ATF2: variants seen among roughly 807,000 people sequenced by gnomAD.
ATF2 encodes cyclic AMP-dependent transcription factor ATF-2.
Under a neutral mutation model 60.6 loss-of-function variants are expected in ATF2, and 24 were observed. The observed-to-expected ratio is 0.40, with a 90% CI of 0.29 to 0.56. The LOEUF is 0.56. ATF2 is among the 20% of genes least tolerant of loss of function. The probability of loss-of-function intolerance (pLI) is 0.54; values close to 1 mark genes in which losing one functional copy is unlikely to be tolerated. For missense variants in ATF2, 433 were observed against 607.7 expected (o/e 0.71, Z 3.02); for synonymous variants, 206 against 215.4 (o/e 0.96, Z 0.38).
At chr2:175,143,305 TATAA>T (rs1258518487) in intron 2 of ATF2, among the ~76,000 whole-genome samples, 3 of 152,130 alleles carry the variant, frequency 2.0e-5, no homozygotes, top group African/African-American at 7.2e-5. Context: ...AAGAAAAATA[TATAA>T]ATAGTATTAC....
At chr2:175,121,419 G>A (rs779597021) in intron 5 of ATF2, 25 bp downstream of exon 5, 76 of 1,495,436 alleles carry the variant, frequency 5.1e-5, no homozygotes, top group Non-Finnish European at 6.7e-5. Context: ...ATGTATACAA[G>A]CTATTAATAA....
chr2:175,150,166 A>C (rs541519570), intron 2 of ATF2, among the ~76,000 whole-genome samples: 19 of 152,272 alleles, frequency 1.2e-4, no homozygotes, highest in African/African-American at 4.6e-4. Context: ...CTTGCTTTAA[A>C]ATTTTTTGCT....
intron 10 of ATF2, among the ~76,000 whole-genome samples, chr2:175,100,875 C>A (rs145838829): frequency 6.6e-6 from 1 of 152,110 alleles, no homozygotes; most frequent in Non-Finnish European, 1.5e-5. Flanking sequence ...AGGGTGGATG[C>A]GTCAGGTTAT....
intron 12 of ATF2, among the ~76,000 whole-genome samples, chr2:175,086,216 T>C (rs764029676): frequency 6.6e-6 from 1 of 152,214 alleles, no homozygotes. Context: ...GATGACAGGT[T>C]ACAAATTAAA....
intron 12 of ATF2, among the ~76,000 whole-genome samples, chr2:175,088,979 C>G (rs533472627): frequency 1.3e-5 from 2 of 152,002 alleles, no homozygotes; most frequent in Admixed American, 1.3e-4. Context: ...GTCGGGAGTT[C>G]GAGACCAGCC....
chr2:175,135,006 TAAAAAAAAAAAA>T (rs60122560), intron 3 of ATF2, among the ~76,000 whole-genome samples: 5 of 85,782 alleles, frequency 5.8e-5, no homozygotes, highest in Non-Finnish European at 1.2e-4. Context: ...CCCATCTCTT[TAAAAAAAAAAAA>T]AAAAAAAAAA....
Position 175,121,920 on chromosome 2 carries a change from G to A in ATF2, c.103-380C>T, listed in dbSNP as rs368420726. Among the ~76,000 whole-genome samples, 57 of 151,908 alleles carry A rather than the reference G, an allele frequency of 3.8e-4. 1 individual carries two copies. The highest frequency in any genetic ancestry group is 1.2e-3 in the African/African-American group (50 of 41,510). On this transcript the variant is annotated intron_variant, in intron 4 of 13. Coordinates refer to ENST00000264110, the MANE Select transcript of ATF2 (RefSeq NM_001880.4). ...TTCAATGACTTTTCAAGAAAGTACT[G>A]TAGTATTAATATTTACCTAGACTTA...
intron 10 of ATF2, among the ~76,000 whole-genome samples, chr2:175,109,412 ATAAC>A (rs2105668310): frequency 6.6e-6 from 1 of 152,348 alleles, no homozygotes; most frequent in Non-Finnish European, 1.5e-5. Context: ...ATGAAATTCT[ATAAC>A]TAATCTATGG....
intron 2 of ATF2, among the ~76,000 whole-genome samples, chr2:175,148,873 T>A (rs773153628): frequency 2.6e-5 from 4 of 152,166 alleles, no homozygotes; most frequent in African/African-American, 4.8e-5. Context: ...CCAGTTGTCC[T>A]ACCTTTCTGG....
intron 1 of ATF2, among the ~76,000 whole-genome samples, chr2:175,167,459 A>G (rs1369187503): frequency 6.6e-6 from 1 of 152,034 alleles, no homozygotes; most frequent in Non-Finnish European, 1.5e-5. Context: ...TCCAGCTCCT[A>G]GGTTCTCCAC....
At chr2:175,123,257 C>G (rs1697094090) in intron 4 of ATF2, among the ~76,000 whole-genome samples, 1 of 152,056 alleles carries the variant, frequency 6.6e-6, no homozygotes, top group African/African-American at 2.4e-5. Context: ...GCAGAGCATA[C>G]TGACATTAAT....
rs116775290 is a variant in ATF2, at chr2:175,082,177, G to A, written c.1186-1412C>T. On this transcript the variant is annotated intron_variant, in intron 12 of 13. Coordinates refer to ENST00000264110, the MANE Select transcript of ATF2 (RefSeq NM_001880.4). ...AAAGGCAAGTCTATTGGGTCAAACA[G>A]TTCCTCACACCCCAATAACAATGAA... Among the ~76,000 whole-genome samples, 970 of 152,268 alleles carry A rather than the reference G, an allele frequency of 6.4e-3. 2 individuals are homozygous for A. The highest frequency in any genetic ancestry group is 0.02 in the Middle Eastern group (6 of 294).
rs531345287 is a variant in ATF2, at chr2:175,152,600, A to G, written c.-142-1442T>C. 2.6e-5 allele frequency among the ~76,000 whole-genome samples: 4 copies of G among 152,316 alleles called. No individual in the cohort carries two copies. In the South Asian group the frequency reaches 8.3e-4, roughly 32 times the overall value. The stretch of plus-strand genomic sequence containing the variant: ...CATATAGGTATTGGGAGATTTCCCT[A>G]TTGTGCAGAATGTTGGAAAGAAGGG... On this transcript the variant is annotated intron_variant, in intron 1 of 13. Transcript: ENST00000264110.
intron 12 of ATF2, among the ~76,000 whole-genome samples, chr2:175,084,250 C>G (rs570435801): frequency 1.1e-3 from 162 of 152,068 alleles, no homozygotes; most frequent in African/African-American, 3.5e-3. Flanking sequence ...ACCAAAATGT[C>G]CAACGATGAT....
intron 12 of ATF2, among the ~76,000 whole-genome samples, chr2:175,081,168 A>T (rs1348700472): frequency 6.6e-6 from 1 of 152,194 alleles, no homozygotes; most frequent in Non-Finnish European, 1.5e-5. Flanking sequence ...GAAAAAAATC[A>T]TCCTAGAAAT....
At chr2:175,148,758 T>C (rs1018795712) in intron 2 of ATF2, among the ~76,000 whole-genome samples, 1 of 152,162 alleles carries the variant, frequency 6.6e-6, no homozygotes, top group African/African-American at 2.4e-5. Flanking sequence ...AGACATTCCT[T>C]TCTATTGATT....
chr2:175,096,956 T>C (rs570939394), intron 11 of ATF2, among the ~76,000 whole-genome samples: 2 of 152,298 alleles, frequency 1.3e-5, no homozygotes, highest in Admixed American at 6.5e-5. Flanking sequence ...AGAAAAAATA[T>C]CTAGTGTTAA....
chr2:175,074,386 AT>A lies in ATF2; in HGVS notation c.*222del, dbSNP rs1192437567. The A allele has an allele frequency of 1.4e-5, 5 of 356,090 alleles. No homozygotes were observed. In the South Asian group the frequency reaches 1.9e-4, roughly 13 times the overall value. The allele number at this position is 356,090 out of a possible 1,614,324, so 22.1% of individuals were successfully genotyped here. The stretch of plus-strand genomic sequence containing the variant: ...GAGCACAGAAAAATTAATAAATCTA[AT>A]AATATTTATAAAAAAAGCAAAATCA... On this transcript the variant is annotated 3_prime_UTR_variant, in exon 14 of 14. Transcript: ENST00000264110.
At chr2:175,141,695 A>G (rs1431201521) in intron 2 of ATF2, among the ~76,000 whole-genome samples, 1 of 151,868 alleles carries the variant, frequency 6.6e-6, no homozygotes, top group Non-Finnish European at 1.5e-5. Context: ...GGGTTTCACC[A>G]TGTCAGCTAG....
Sources: allele counts gnomAD v4.1 joint callset (sites outside exome capture counted in the v4.1 genomes callset), GRCh38; gene constraint gnomAD v4.1.1; transcripts MANE v1.5; gene names NCBI Gene and HGNC (gene_info 2026-07-23, HGNC 2026-07-21).